FMN2: variants seen among roughly 807,000 people sequenced by gnomAD.
FMN2 encodes formin 2, also known as formin-2.
Under a neutral mutation model 142.3 loss-of-function variants are expected in FMN2, and 51 were observed. That is an observed-to-expected ratio of 0.36 (90% CI 0.29 to 0.45). The LOEUF is 0.45. Ranked by LOEUF, FMN2 falls within the 20% of genes least tolerant of loss-of-function variation. The pLI, the probability that FMN2 is intolerant of heterozygous loss-of-function variation, is 1.00. For missense variants in FMN2, 1,936 were observed against 2,122.8 expected (o/e 0.91, Z 1.73); for synonymous variants, 882 against 869.8 (o/e 1.01, Z -0.25).
chr1:240,271,925 G>C (rs1669032029), intron 7 of FMN2, among the ~76,000 whole-genome samples: 5 of 152,100 alleles, frequency 3.3e-5, no homozygotes, highest in Admixed American at 3.3e-4. Context: ...CTTGGGTTGA[G>C]CTTAGATTAT....
chr1:240,431,806 G>A (rs1295487653), intron 15 of FMN2, among the ~76,000 whole-genome samples: 1 of 150,714 alleles, frequency 6.6e-6, no homozygotes, highest in Non-Finnish European at 1.5e-5. Flanking sequence ...TATTATGGGG[G>A]TAAACCCTAA....
intron 13 of FMN2, among the ~76,000 whole-genome samples, chr1:240,342,850 C>G (rs961799424): frequency 1.1e-4 from 17 of 152,030 alleles, no homozygotes; most frequent in Admixed American, 2.0e-4. Context: ...TATGAATAAC[C>G]ACTATACAGT....
chr1:240,168,655 C>T (rs1425905459), intron 2 of FMN2, among the ~76,000 whole-genome samples: 1 of 151,764 alleles, frequency 6.6e-6, no homozygotes, highest in African/African-American at 2.4e-5. Context: ...TTTATTGCTA[C>T]CTAGTCCAAA....
At chr1:240,246,480 A>G (rs916009027) in intron 6 of FMN2, among the ~76,000 whole-genome samples, 2 of 152,022 alleles carry the variant, frequency 1.3e-5, no homozygotes, top group Non-Finnish European at 2.9e-5. Flanking sequence ...TGTTTTAATC[A>G]TTTTTCTAGG....
intron 2 of FMN2, chr1:240,142,874 C>T: frequency 1.9e-6 from 3 of 1,599,636 alleles, no homozygotes; most frequent in East Asian, 2.2e-5. Context: ...CAGACACTGG[C>T]AATGGCCTCA....
At chr1:240,353,224 T>A (rs528733160) in intron 13 of FMN2, among the ~76,000 whole-genome samples, 15 of 152,352 alleles carry the variant, frequency 9.8e-5, no homozygotes, top group African/African-American at 3.6e-4. Flanking sequence ...TAGCTACTGT[T>A]TTTTGTGCAT....
At chr1:240,344,750 A>G (rs1671854699) in intron 13 of FMN2, among the ~76,000 whole-genome samples, 2 of 152,224 alleles carry the variant, frequency 1.3e-5, no homozygotes, top group African/African-American at 4.8e-5. Context: ...GTTCTGACCC[A>G]GCTGTCTGGT....
intron 3 of FMN2, among the ~76,000 whole-genome samples, chr1:240,182,598 T>C (rs934437907): frequency 7.2e-5 from 11 of 152,202 alleles, no homozygotes; most frequent in African/African-American, 2.4e-4. Context: ...CTTATAAATA[T>C]GTAAAATGTA....
At chr1:240,307,754 G>GTT (rs1558424355) in intron 8 of FMN2, among the ~76,000 whole-genome samples, 1 of 152,080 alleles carries the variant, frequency 6.6e-6, no homozygotes, top group Non-Finnish European at 1.5e-5. Flanking sequence ...TTTTAGAATA[G>GTT]TTTTTCCTAA....
At chr1:240,364,624 C>T (rs541650530) in intron 14 of FMN2, among the ~76,000 whole-genome samples, 156 of 152,226 alleles carry the variant, frequency 1.0e-3, no homozygotes, top group Non-Finnish European at 2.1e-3. Flanking sequence ...ATTCCACAAC[C>T]GTAGATGAGA....
At chr1:240,326,525 C>T (rs575528507) in intron 8 of FMN2, among the ~76,000 whole-genome samples, 57 of 152,238 alleles carry the variant, frequency 3.7e-4, no homozygotes, top group Admixed American at 3.0e-3. Flanking sequence ...TTTGCGCTTA[C>T]AGCTGCCTTT....
chr1:240,365,873 G>T (rs1672651982), intron 14 of FMN2, among the ~76,000 whole-genome samples: 1 of 152,016 alleles, frequency 6.6e-6, no homozygotes, highest in Non-Finnish European at 1.5e-5. Context: ...TCTCCATAAG[G>T]TATATCACAG....
intron 6 of FMN2, among the ~76,000 whole-genome samples, chr1:240,228,175 T>G (rs180707067): frequency 3.6e-4 from 54 of 151,258 alleles, no homozygotes; most frequent in African/African-American, 1.2e-3. Context: ...TGGTGGCACA[T>G]GCCTATAATC....
chr1:240,257,738 G>A (rs182707387), intron 6 of FMN2, among the ~76,000 whole-genome samples: 1 of 152,100 alleles, frequency 6.6e-6, no homozygotes, highest in African/African-American at 2.4e-5. Context: ...GGTGAATAAT[G>A]GGGGAAAATG....
At chr1:240,142,554 A>G (rs1382565959) in intron 2 of FMN2, 3 of 1,053,364 alleles carry the variant, frequency 2.8e-6, no homozygotes, top group African/African-American at 3.2e-5. Flanking sequence ...ACTCAGTAAC[A>G]AAAGAGCAGG....
At chr1:240,195,443 C>A (rs574931775) in intron 4 of FMN2, among the ~76,000 whole-genome samples, 214 of 152,232 alleles carry the variant, frequency 1.4e-3, no homozygotes, top group African/African-American at 4.7e-3. Flanking sequence ...TGCCTTGTGG[C>A]AAAAACACAT....
chr1:240,143,600 C>T, intron 2 of FMN2: 1 of 1,608,016 alleles, frequency 6.2e-7, no homozygotes, highest in South Asian at 1.1e-5. Context: ...CACACATCTA[C>T]CAGTGTGTTG....
At chr1:240,415,162 T>C (rs1674535130) in intron 15 of FMN2, among the ~76,000 whole-genome samples, 1 of 152,132 alleles carries the variant, frequency 6.6e-6, no homozygotes, top group African/African-American at 2.4e-5. Context: ...ATAGACTGGA[T>C]AAAGAAAATG....
chr1:240,166,932 G>A (rs1233923762), intron 2 of FMN2, among the ~76,000 whole-genome samples: 1 of 152,052 alleles, frequency 6.6e-6, no homozygotes, highest in Non-Finnish European at 1.5e-5. Flanking sequence ...GACCAGCCTG[G>A]CCAACATGAT....
Sources: gnomAD v4.1 joint callset for allele counts (sites outside exome capture counted in the v4.1 genomes callset) on GRCh38, gnomAD v4.1.1 for gene constraint, MANE v1.5 for transcripts, NCBI Gene and HGNC (gene_info 2026-07-23, HGNC 2026-07-21) for gene names.